SYTL5: variants seen among roughly 807,000 people sequenced by gnomAD.
SYTL5 encodes the protein synaptotagmin like 5, also known as synaptotagmin-like protein 5.
SYTL5 carries 34 observed loss-of-function variants against 55.9 expected under a neutral mutation model. That is an observed-to-expected ratio of 0.61 (90% CI 0.46 to 0.81). The LOEUF (loss-of-function observed/expected upper bound fraction) is 0.81, where lower values mean the gene tolerates loss of function less well. Among genes scored for constraint, SYTL5 ranks in the 30% least tolerant of loss-of-function variants. The pLI, the probability that SYTL5 is intolerant of heterozygous loss-of-function variation, is 0.00. For synonymous variants in SYTL5, 221 were observed against 188.7 expected, an observed-to-expected ratio of 1.17 and a Z score of -1.40; for missense variants, 637 against 546.7, an observed-to-expected ratio of 1.17 and a Z score of -1.65.
the SYTL5 span, among the ~76,000 whole-genome samples, chrX:37,902,710 T>C: frequency 5.4e-5 from 6 of 111,665 alleles, no homozygotes; most frequent in African/African-American, 2.0e-4. Context: ...AACCCAGGAA[T>C]GGGCACATGA....
In SYTL5 at chrX:38,024,058, A is replaced by G. The variant is rs749916431; in HGVS notation, c.-356-9476A>G. ...CTCTGAGAAGTTCTGTAGAAAAAAA[A>G]ATATTTAACTTGGTTTAACTCTACA... On this transcript the variant is annotated intron_variant, in intron 1 of 16. Transcript: ENST00000297875. The G allele has an allele frequency of 2.7e-5, 3 of 110,806 alleles. No homozygotes were observed. In the South Asian group the frequency reaches 1.2e-3, roughly 45 times the overall value. 9.1% of individuals were successfully genotyped at this position (110,806 alleles called of 1,213,427 possible). A position where few individuals can be genotyped will look rare whatever the true frequency, so the allele number is the denominator to read the frequency against.
chrX:38,037,313 C>T (rs914582645), intron 2 of SYTL5, among the ~76,000 whole-genome samples: 1 of 111,636 alleles, frequency 9.0e-6, no homozygotes, highest in Non-Finnish European at 1.9e-5. Context: ...CCTTCTCCTG[C>T]CTCCCTTACT....
chrX:38,036,001 A>G, intron 2 of SYTL5, among the ~76,000 whole-genome samples: 1 of 111,288 alleles, frequency 9.0e-6, no homozygotes, highest in Admixed American at 9.5e-5. Flanking sequence ...TGTCATTATC[A>G]ATAACTTGTA....
At chrX:38,094,810 C>T (rs767219701) in intron 8 of SYTL5, among the ~76,000 whole-genome samples, 23 of 111,489 alleles carry the variant, frequency 2.1e-4, no homozygotes, top group African/African-American at 6.2e-4. Flanking sequence ...CAGAAGTTCC[C>T]TACATATAGA....
chrX:38,107,175 A>G (rs1321285266), intron 11 of SYTL5, among the ~76,000 whole-genome samples: 2 of 111,987 alleles, frequency 1.8e-5, no homozygotes, highest in Non-Finnish European at 3.8e-5. Flanking sequence ...GATTCTAGAG[A>G]TCAGCCTGGG....
intron 2 of SYTL5, among the ~76,000 whole-genome samples, chrX:38,035,119 C>G (rs1404353960): frequency 8.9e-6 from 1 of 112,466 alleles, no homozygotes; most frequent in African/African-American, 3.2e-5. Flanking sequence ...CCAGAAGCTT[C>G]ATTTCCACTT....
At chrX:38,015,122 G>A (rs1934310406) in intron 1 of SYTL5, among the ~76,000 whole-genome samples, 1 of 112,158 alleles carries the variant, frequency 8.9e-6, no homozygotes, top group Non-Finnish European at 1.9e-5. Flanking sequence ...TATAAGTGCT[G>A]AGTGTTCACT....
At chrX:38,088,429 T>C (rs1336944073) in intron 6 of SYTL5, among the ~76,000 whole-genome samples, 1 of 111,694 alleles carries the variant, frequency 9.0e-6, no homozygotes, top group Non-Finnish European at 1.9e-5. Context: ...TCATAAGGGC[T>C]TCTATTTTAC....
chrX:38,026,485 ATAGAG>A (rs112149319), intron 1 of SYTL5, among the ~76,000 whole-genome samples: 25,341 of 110,666 alleles, frequency 0.23, 5,269 homozygotes, highest in African/African-American at 0.66. Context: ...GGGTGAGTCC[ATAGAG>A]TAAAGTGAAA....
intron 2 of SYTL5, among the ~76,000 whole-genome samples, chrX:38,051,243 T>A (rs1199393858): frequency 9.0e-6 from 1 of 111,719 alleles, no homozygotes; most frequent in Non-Finnish European, 1.9e-5. Flanking sequence ...CTTTACAGGC[T>A]ATGGGAAAGA....
chrX:38,078,494 T>C (rs1936445759), intron 6 of SYTL5, among the ~76,000 whole-genome samples: 1 of 110,144 alleles, frequency 9.1e-6, no homozygotes. Flanking sequence ...TCTCCTGACC[T>C]CATGATCCAC....
intron 3 of SYTL5, among the ~76,000 whole-genome samples, chrX:38,071,286 T>C (rs1462733068): frequency 9.0e-6 from 1 of 111,721 alleles, no homozygotes; most frequent in Non-Finnish European, 1.9e-5. Context: ...GGTGATTTCA[T>C]GTAGCCATTG....
intron 1 of SYTL5, among the ~76,000 whole-genome samples, chrX:38,012,830 G>A (rs1324618896): frequency 7.2e-5 from 8 of 111,791 alleles, no homozygotes; most frequent in African/African-American, 9.7e-5. Context: ...AGAGCCTATT[G>A]CAAAATAGGC....
intron 2 of SYTL5, among the ~76,000 whole-genome samples, chrX:38,045,249 G>T (rs902181474): frequency 4.5e-5 from 5 of 111,950 alleles, no homozygotes; most frequent in Non-Finnish European, 1.9e-5. Flanking sequence ...TTTTTAAAAA[G>T]AATTCAGAAT....
At chrX:38,002,427 G>A (rs749936944), upstream of SYTL5, among the ~76,000 whole-genome samples, 1 of 111,663 alleles carries the variant, frequency 9.0e-6, no homozygotes, top group South Asian at 3.8e-4. Context: ...CTAGATCCCT[G>A]AGGAATCGCC....
chrX:38,031,713 G>A (rs976262038), intron 1 of SYTL5, among the ~76,000 whole-genome samples: 4 of 111,385 alleles, frequency 3.6e-5, no homozygotes, highest in Non-Finnish European at 7.5e-5. Flanking sequence ...GATACACAAG[G>A]GGTTGAAAAA....
the SYTL5 span, among the ~76,000 whole-genome samples, chrX:37,926,055 AT>A: frequency 9.0e-6 from 1 of 111,658 alleles, no homozygotes; most frequent in East Asian, 2.8e-4. Context: ...GTGAATTGTG[AT>A]GCTATAAACA....
At chrX:37,949,186 A>G in the SYTL5 span, 36 of 112,013 alleles carry the variant, frequency 3.2e-4, no homozygotes, top group African/African-American at 9.7e-4. Flanking sequence ...AAAAGGAACA[A>G]GGTACATAAA....
chrX:37,917,658 G>T, the SYTL5 span, among the ~76,000 whole-genome samples: 1 of 112,022 alleles, frequency 8.9e-6, no homozygotes, highest in Non-Finnish European at 1.9e-5. Flanking sequence ...AGTGAAAATT[G>T]CTTTCCACCT....
Sources: allele counts gnomAD v4.1 joint callset (sites outside exome capture counted in the v4.1 genomes callset), GRCh38; gene constraint gnomAD v4.1.1; transcripts MANE v1.5; gene names NCBI Gene and HGNC (gene_info 2026-07-23, HGNC 2026-07-21).